CDK15: variants seen among roughly 807,000 people sequenced by gnomAD.
CDK15 encodes the protein cyclin dependent kinase 15.
A neutral mutation model predicts 60.3 loss-of-function variants in CDK15; 62 were observed. That is an observed-to-expected ratio of 1.03 (90% CI 0.84 to 1.27). The LOEUF (loss-of-function observed/expected upper bound fraction) is 1.27, where lower values mean the gene tolerates loss of function less well. Among genes scored for constraint, CDK15 ranks in the 50% most tolerant of loss-of-function variants. The pLI, the probability that CDK15 is intolerant of heterozygous loss-of-function variation, is 0.00. For missense variants in CDK15, 541 were observed against 527.8 expected, an observed-to-expected ratio of 1.03 and a Z score of -0.25; for synonymous variants, 194 against 195.7, an observed-to-expected ratio of 0.99 and a Z score of 0.07.
chr2:201,826,452 G>C (rs1279671591), intron 6 of CDK15, among the ~76,000 whole-genome samples: 2 of 72,804 alleles, frequency 2.7e-5, no homozygotes, highest in African/African-American at 5.6e-5. Flanking sequence ...GAGTGAGACT[G>C]CGTCTCAAAA....
intron 11 of CDK15, chr2:201,876,612 C>A: frequency 7.8e-7 from 1 of 1,281,696 alleles, no homozygotes; most frequent in Non-Finnish European, 1.0e-6. Flanking sequence ...AGTCATAGTT[C>A]AGAGGCTGTG....
chr2:201,888,632 G>A lies in CDK15; in HGVS notation c.1199-2153G>A, dbSNP rs890056782. 32 of 1,405,662 alleles carry A rather than the reference G, an allele frequency of 2.3e-5. No individual in the cohort carries two copies. The South Asian group carries it at 4.0e-4, about 17-fold the overall frequency. The allele number at this position is 1,405,662 out of a possible 1,614,324, so 87.1% of individuals were successfully genotyped here. A position where few individuals can be genotyped will look rare whatever the true frequency, so the allele number is the denominator to read the frequency against. On this transcript the variant is annotated intron_variant, in intron 12 of 13. Coordinates refer to ENST00000652192, the MANE Select transcript of CDK15 (RefSeq NM_001366386.2). The stretch of plus-strand genomic sequence containing the variant: ...TCCTTTTTCTTTTTCTATGAGTTGG[G>A]AAGGAGAGTCTGGCAGTCCACAGCC...
At chr2:201,855,741 G>A (rs116507565) in intron 10 of CDK15, among the ~76,000 whole-genome samples, 168 of 152,044 alleles carry the variant, frequency 1.1e-3, no homozygotes, top group Non-Finnish European at 2.0e-3. Flanking sequence ...GGGTGGATAT[G>A]CTCCAAGCCA....
rs557185912 is a variant in CDK15, at chr2:201,882,936, A to G, written c.1198+2769A>G. 2.0e-5 allele frequency among the ~76,000 whole-genome samples: 3 copies of G among 152,212 alleles called. No homozygotes were observed. Among genetic ancestry groups the G allele is most frequent in the African/African-American group, 7.2e-5 (3 of 41,526 alleles). On this transcript the variant is annotated intron_variant, in intron 12 of 13. Coordinates refer to ENST00000652192, the MANE Select transcript of CDK15 (RefSeq NM_001366386.2). The surrounding 1 kb of genome is among the most constrained non-coding windows in gnomAD (Gnocchi z 4.0). The stretch of plus-strand genomic sequence containing the variant: ...TCATTGCCCCTGGCAATGAGCCTTT[A>G]TTAACAGCCTCCTTTGCAGACAGAG...
chr2:201,894,735 C>G lies in CDK15; in HGVS notation c.*1468C>G, dbSNP rs1173158151. On this transcript the variant is annotated 3_prime_UTR_variant, in exon 14 of 14. Transcript: ENST00000652192. ...ATAGTAGCATGCCAGAGTGAAGATG[C>G]AAACCTCAGACCTGGTTCTCCAATG... 6.6e-6 allele frequency: 1 copy of G among 152,144 alleles called. No homozygotes were observed. The highest frequency in any genetic ancestry group is 1.9e-4 in the East Asian group (1 of 5,200). The allele number at this position is 152,144 out of a possible 1,614,324, so 9.4% of individuals were successfully genotyped here.
At chr2:201,825,266 T>C (rs1186284692) in intron 6 of CDK15, among the ~76,000 whole-genome samples, 2 of 134,608 alleles carry the variant, frequency 1.5e-5, no homozygotes, top group African/African-American at 5.8e-5. Flanking sequence ...CGAGCAAAGA[T>C]CACACCAATG....
chr2:201,857,993 T>G (rs898789994), intron 10 of CDK15, among the ~76,000 whole-genome samples: 2 of 152,102 alleles, frequency 1.3e-5, no homozygotes, highest in Non-Finnish European at 2.9e-5. Context: ...TTCCTTTTCA[T>G]TCTAAGTAGT....
At chr2:201,872,446 G>A in intron 11 of CDK15, 120 bp downstream of exon 11, 2 of 1,027,176 alleles carry the variant, frequency 1.9e-6, no homozygotes, top group Non-Finnish European at 3.0e-6. Flanking sequence ...GGGGCTCTAA[G>A]CTGTAGGAAG....
intron 1 of CDK15, 130 bp from the exon 2 acceptor site, chr2:201,807,364 T>G: frequency 1.1e-6 from 1 of 920,008 alleles, no homozygotes; most frequent in Non-Finnish European, 1.6e-6. Flanking sequence ...AAAAGTGCCT[T>G]TTGGGGGTAC....
rs376067513 is a variant in CDK15, at chr2:201,828,292, A to G, written c.606+4565A>G. On this transcript the variant is annotated intron_variant, in intron 6 of 13. Coordinates refer to ENST00000652192, the MANE Select transcript of CDK15 (RefSeq NM_001366386.2). ...GTAGATCTGAGGGTCATCAGCACATAGAGTTTAGAAGACAAGGAGTAGGCA... is the reference window on the plus strand; with the variant it reads ...GTAGATCTGAGGGTCATCAGCACATGGAGTTTAGAAGACAAGGAGTAGGCA... 4.1e-4 allele frequency among the ~76,000 whole-genome samples: 44 copies of G among 108,002 alleles called. No homozygotes were observed. The South Asian group carries it at 0.012, about 30-fold the overall frequency. The allele number at this position is 108,002 out of a possible 152,430, so 70.9% of individuals were successfully genotyped here. A position where few individuals can be genotyped will look rare whatever the true frequency, so the allele number is the denominator to read the frequency against.
chr2:201,807,696 G>T, intron 2 of CDK15, 53 bp downstream of exon 2: 15 of 1,606,582 alleles, frequency 9.3e-6, no homozygotes, highest in Non-Finnish European at 1.3e-5. Flanking sequence ...GCTTGTCTAC[G>T]GAGGCCGGCC....
chr2:201,836,145 A>ATATATAT (rs1559126384), intron 8 of CDK15, among the ~76,000 whole-genome samples: 10 of 63,174 alleles, frequency 1.6e-4, no homozygotes, highest in Admixed American at 9.0e-4. Flanking sequence ...TTTATATATT[A>ATATATAT]TATATATTTT....
intron 10 of CDK15, among the ~76,000 whole-genome samples, chr2:201,866,330 C>A (rs1320650468): frequency 6.6e-6 from 1 of 152,046 alleles, no homozygotes; most frequent in Non-Finnish European, 1.5e-5. Flanking sequence ...TTTACTAAAT[C>A]AATCAACAAA....
chr2:201,856,188 T>G (rs1228345694), intron 10 of CDK15, among the ~76,000 whole-genome samples: 1 of 152,136 alleles, frequency 6.6e-6, no homozygotes, highest in Non-Finnish European at 1.5e-5. Flanking sequence ...GAGCAAGAAA[T>G]TGTAGGTAGA....
chr2:201,818,835 A>G (rs1181254468), intron 4 of CDK15, among the ~76,000 whole-genome samples: 1 of 152,202 alleles, frequency 6.6e-6, no homozygotes, highest in Non-Finnish European at 1.5e-5. Context: ...TCTTCAACAG[A>G]AACACCCTTT....
intron 8 of CDK15, among the ~76,000 whole-genome samples, chr2:201,843,917 ACAAAATG>A (rs1424784665): frequency 4.0e-5 from 2 of 49,668 alleles, no homozygotes; most frequent in East Asian, 1.5e-3. Flanking sequence ...GAATTGTGTA[ACAAAATG>A]ACTTCTTGGT....
chr2:201,819,531 C>T (rs1696133377), intron 4 of CDK15, among the ~76,000 whole-genome samples: 1 of 152,102 alleles, frequency 6.6e-6, no homozygotes, highest in South Asian at 2.1e-4. Flanking sequence ...GAGGCACATG[C>T]CCTAACTCAT....
intron 6 of CDK15, among the ~76,000 whole-genome samples, chr2:201,824,275 T>A (rs1024348250): frequency 6.6e-6 from 1 of 152,258 alleles, no homozygotes; most frequent in African/African-American, 2.4e-5. Context: ...CCTAAGGTTT[T>A]ATTGGCATTA....
chr2:201,891,377 A>G (rs1302305126), intron 13 of CDK15, among the ~76,000 whole-genome samples: 2 of 152,206 alleles, frequency 1.3e-5, no homozygotes, highest in African/African-American at 2.4e-5. Flanking sequence ...ATTGAAAACA[A>G]CTGTTTTCCG....
Sources: allele counts gnomAD v4.1 joint callset (sites outside exome capture counted in the v4.1 genomes callset), GRCh38; gene constraint gnomAD v4.1.1; non-coding constraint Gnocchi (gnomAD v3.1); transcripts MANE v1.5; gene names NCBI Gene and HGNC (gene_info 2026-07-23, HGNC 2026-07-21).